The following GALNT17 variants were observed in gnomAD, a reference collection of about 807,000 sequenced individuals.
GALNT17 encodes polypeptide N-acetylgalactosaminyltransferase 17.
Under a neutral mutation model 63.7 loss-of-function variants are expected in GALNT17, and 29 were observed. The observed-to-expected ratio is 0.46, with a 90% confidence interval of 0.34 to 0.62. The LOEUF is 0.62. Ranked by LOEUF, GALNT17 falls within the 20% of genes least tolerant of loss-of-function variation. GALNT17 has a pLI of 0.01. For synonymous variants in GALNT17, 305 were observed against 318.3 expected (o/e 0.96, Z 0.45); for missense variants, 603 against 799.6 (o/e 0.75, Z 2.97).
chr7:71,680,818 T>C (rs1442222172), intron 9 of GALNT17, among the ~76,000 whole-genome samples: 1 of 149,352 alleles, frequency 6.7e-6, no homozygotes, highest in Non-Finnish European at 1.5e-5. Flanking sequence ...TCTTCCTTCC[T>C]TCCTTCCCCC....
At chr7:71,211,760 G>A (rs1416989241) in intron 1 of GALNT17, among the ~76,000 whole-genome samples, 3 of 152,164 alleles carry the variant, frequency 2.0e-5, no homozygotes, top group Non-Finnish European at 2.9e-5. Flanking sequence ...TTCTTGTTAT[G>A]TTTTAGCTAA....
At chr7:71,491,932 G>A (rs889648562) in intron 5 of GALNT17, among the ~76,000 whole-genome samples, 1 of 152,106 alleles carries the variant, frequency 6.6e-6, no homozygotes, top group African/African-American at 2.4e-5. Flanking sequence ...AAGGTGGGAG[G>A]ATCGCTTGAG....
chr7:71,450,677 C>A (rs1787245155), intron 5 of GALNT17, among the ~76,000 whole-genome samples: 1 of 152,152 alleles, frequency 6.6e-6, no homozygotes, highest in Non-Finnish European at 1.5e-5. Context: ...CCCTCTAACT[C>A]TCCCAGCCCC....
chr7:71,165,233 A>G (rs1788414568), intron 1 of GALNT17, among the ~76,000 whole-genome samples: 1 of 152,224 alleles, frequency 6.6e-6, no homozygotes, highest in African/African-American at 2.4e-5. Context: ...TGAGGGCAAT[A>G]CTTGAAGTAC....
chr7:71,681,403 A>G (rs930913829), intron 9 of GALNT17, among the ~76,000 whole-genome samples: 2 of 152,224 alleles, frequency 1.3e-5, no homozygotes, highest in Admixed American at 1.3e-4. Flanking sequence ...AGCCCTAGCT[A>G]GTCTCGGGCT....
chr7:71,231,613 G>A (rs553438868), intron 1 of GALNT17, among the ~76,000 whole-genome samples: 1 of 152,094 alleles, frequency 6.6e-6, no homozygotes, highest in Admixed American at 6.6e-5. Context: ...TCAGATACTG[G>A]TGAGGGCTCT....
At chr7:71,693,263 T>TACACACACACACACACACACAC (rs761584365) in intron 9 of GALNT17, among the ~76,000 whole-genome samples, 2 of 108,882 alleles carry the variant, frequency 1.8e-5, no homozygotes, top group African/African-American at 7.2e-5. Context: ...CACACACACA[T>TACACACACACACACACACACAC]ACACACACAC....
chr7:71,456,369 C>T (rs1787356412), intron 5 of GALNT17, among the ~76,000 whole-genome samples: 1 of 151,992 alleles, frequency 6.6e-6, no homozygotes, highest in Non-Finnish European at 1.5e-5. Context: ...ATTATAAGGC[C>T]TGGGAAGGAT....
At chr7:71,556,733 T>C (rs1041372386) in intron 5 of GALNT17, among the ~76,000 whole-genome samples, 1 of 151,626 alleles carries the variant, frequency 6.6e-6, no homozygotes, top group Admixed American at 6.6e-5. Context: ...CTATTTTGTT[T>C]TGTTTTGTTT....
At chr7:71,499,365 A>T (rs1788144790) in intron 5 of GALNT17, among the ~76,000 whole-genome samples, 2 of 152,190 alleles carry the variant, frequency 1.3e-5, no homozygotes, top group African/African-American at 4.8e-5. Flanking sequence ...GTTCCAGACC[A>T]GCCTGGGCAA....
At chr7:71,248,762 C>G (rs568030914) in intron 1 of GALNT17, among the ~76,000 whole-genome samples, 20 of 152,174 alleles carry the variant, frequency 1.3e-4, no homozygotes, top group Non-Finnish European at 2.2e-4. Flanking sequence ...TTCTATACAT[C>G]AGCTCATTCG....
chr7:71,688,709 G>A (rs773618899), intron 9 of GALNT17, among the ~76,000 whole-genome samples: 2 of 152,126 alleles, frequency 1.3e-5, no homozygotes, highest in Non-Finnish European at 2.9e-5. Flanking sequence ...TCCTCCTCAA[G>A]AGACCACTGT....
chr7:71,388,443 AG>A (rs1465926658), intron 3 of GALNT17, 42 bp downstream of exon 3: 4 of 1,580,950 alleles, frequency 2.5e-6, no homozygotes, highest in Non-Finnish European at 3.5e-6. Flanking sequence ...TGATGACAGC[AG>A]GGGGAAATGC....
chr7:71,249,716 T>G, intron 1 of GALNT17, among the ~76,000 whole-genome samples: 1 of 152,204 alleles, frequency 6.6e-6, no homozygotes, highest in East Asian at 1.9e-4. Flanking sequence ...TTATTTTTGG[T>G]TTCAATACTG....
chr7:71,543,709 T>C lies in GALNT17; in HGVS notation c.963-27576T>C, dbSNP rs868725431. Among the ~76,000 whole-genome samples the C allele has an allele frequency of 4.3e-3, 651 of 152,184 alleles. 6 individuals carry two copies. Among genetic ancestry groups the C allele is most frequent in the African/African-American group, 0.015 (617 of 41,568 alleles). On this transcript the variant is annotated intron_variant, in intron 5 of 10. Coordinates refer to ENST00000333538, the MANE Select transcript of GALNT17 (RefSeq NM_022479.3). ...TGCAGCGTTTCAGCAGGTTTTTTTT[T>C]TTTTTCTTATCTGCTGTCCTGCAAA...
At chr7:71,170,100 T>A (rs149297180) in intron 1 of GALNT17, among the ~76,000 whole-genome samples, 1 of 152,082 alleles carries the variant, frequency 6.6e-6, no homozygotes, top group Non-Finnish European at 1.5e-5. Context: ...TGTGTCTGGA[T>A]CTATTGTTTG....
intron 6 of GALNT17, among the ~76,000 whole-genome samples, chr7:71,636,862 A>G (rs559264478): frequency 1.3e-5 from 2 of 152,270 alleles, no homozygotes; most frequent in Non-Finnish European, 2.9e-5. Flanking sequence ...GTAAAACAGT[A>G]AGAGGGTGTG....
chr7:71,356,324 T>C (rs1213362197), intron 2 of GALNT17, among the ~76,000 whole-genome samples: 14 of 152,228 alleles, frequency 9.2e-5, no homozygotes. Flanking sequence ...CATTGTCTGT[T>C]AGTGTCACAA....
chr7:71,440,320 C>A (rs1263216760), intron 5 of GALNT17, among the ~76,000 whole-genome samples: 2 of 152,012 alleles, frequency 1.3e-5, no homozygotes, highest in African/African-American at 2.4e-5. Context: ...CTTGCTCCCC[C>A]ACGACCTCTG....
Sources: allele counts gnomAD v4.1 joint callset (sites outside exome capture counted in the v4.1 genomes callset), GRCh38; gene constraint gnomAD v4.1.1; transcripts MANE v1.5; gene names NCBI Gene and HGNC (gene_info 2026-07-23, HGNC 2026-07-21).